DTNBP1: variants seen among roughly 807,000 people sequenced by gnomAD.
The protein encoded by DTNBP1 is dystrobrevin binding protein 1, also known as dysbindin.
In DTNBP1, 35 loss-of-function variants were observed where a neutral mutation model predicts 42.8. The observed-to-expected ratio is 0.82, with a 90% CI of 0.63 to 1.09. The LOEUF (loss-of-function observed/expected upper bound fraction) is 1.09. Ranked by LOEUF, DTNBP1 falls within the 50% of genes least tolerant of loss-of-function variation. DTNBP1 has a pLI of 0.00. For synonymous variants in DTNBP1, 171 were observed against 162.2 expected (o/e 1.05, Z -0.41); for missense variants, 457 against 424.2 (o/e 1.08, Z -0.68).
At chr6:15,526,252 A>G (rs971774160) in intron 8 of DTNBP1, among the ~76,000 whole-genome samples, 1 of 152,218 alleles carries the variant, frequency 6.6e-6, no homozygotes, top group African/African-American at 2.4e-5. Flanking sequence ...AAAGCATGTT[A>G]AGCAAAGAGA....
intron 6 of DTNBP1, among the ~76,000 whole-genome samples, chr6:15,607,947 A>G (rs1033468966): frequency 6.6e-6 from 1 of 152,160 alleles, no homozygotes; most frequent in African/African-American, 2.4e-5. Flanking sequence ...CAATTCTTTC[A>G]GTTATTTTTC....
At chr6:15,537,408 G>A (rs1332340238) in intron 7 of DTNBP1, among the ~76,000 whole-genome samples, 3 of 151,190 alleles carry the variant, frequency 2.0e-5, no homozygotes, top group South Asian at 2.1e-4. Context: ...CAGCCTGGGC[G>A]ACAGCGTGAG....
At chr6:15,585,067 ATATATATATATATATAT>A (rs1776012941) in intron 7 of DTNBP1, among the ~76,000 whole-genome samples, 1 of 1,096 alleles carries the variant, frequency 9.1e-4, no homozygotes, top group Admixed American at 9.4e-3. Context: ...TGAAAAGAAT[ATATATATATATATATAT>A]ATATATATAT....
At chr6:15,539,063 A>G (rs895133674) in intron 7 of DTNBP1, among the ~76,000 whole-genome samples, 2 of 152,216 alleles carry the variant, frequency 1.3e-5, no homozygotes, top group African/African-American at 4.8e-5. Flanking sequence ...GGCAGACCTT[A>G]AAACCCAGTG....
At chr6:15,636,456 T>C (rs1350949055) in intron 4 of DTNBP1, among the ~76,000 whole-genome samples, 1 of 152,134 alleles carries the variant, frequency 6.6e-6, no homozygotes, top group Non-Finnish European at 1.5e-5. Flanking sequence ...CAGCCAACTC[T>C]TTCATTTCTT....
intron 3 of DTNBP1, among the ~76,000 whole-genome samples, chr6:15,647,239 G>GA (rs1435631208): frequency 2.0e-5 from 3 of 151,542 alleles, no homozygotes; most frequent in Non-Finnish European, 4.4e-5. Context: ...CAACAAAGAT[G>GA]AAAAAAATGC....
intron 8 of DTNBP1, among the ~76,000 whole-genome samples, chr6:15,527,764 T>G (rs1453431485): frequency 6.6e-6 from 1 of 152,064 alleles, no homozygotes; most frequent in African/African-American, 2.4e-5. Context: ...AAAAGGCACA[T>G]GAACAATTTT....
chr6:15,560,255 G>T, intron 7 of DTNBP1, among the ~76,000 whole-genome samples: 1 of 151,906 alleles, frequency 6.6e-6, no homozygotes, highest in East Asian at 1.9e-4. Context: ...GCAGTGAGCC[G>T]AGATCATGTC....
At chr6:15,555,201 A>G (rs1231211702) in intron 7 of DTNBP1, among the ~76,000 whole-genome samples, 1 of 150,182 alleles carries the variant, frequency 6.7e-6, no homozygotes, top group Non-Finnish European at 1.5e-5. Context: ...ACACAAGATA[A>G]AACACTTTCC....
chr6:15,637,145 A>T (rs934112407), intron 4 of DTNBP1, among the ~76,000 whole-genome samples: 1 of 152,210 alleles, frequency 6.6e-6, no homozygotes, highest in Non-Finnish European at 1.5e-5. Context: ...GAATTACAGA[A>T]ATCATTTCAG....
In DTNBP1 at chr6:15,604,169, G is replaced by C. The variant is rs183655155; in HGVS notation, c.489-11088C>G. Among the ~76,000 whole-genome samples the C allele has an allele frequency of 3.5e-4, 53 of 152,306 alleles. No homozygotes were observed. In the East Asian group the frequency reaches 0.01, roughly 29 times the overall value. ...ACATCTCTTCTTTGTCCAAAATCCA[G>C]TGTCTTAAAAACATTCTCTCATTTA... On this transcript the variant is annotated intron_variant, in intron 6 of 9. Coordinates refer to ENST00000344537, the MANE Select transcript of DTNBP1 (RefSeq NM_032122.5).
At chr6:15,596,027 A>G (rs1039583380) in intron 6 of DTNBP1, among the ~76,000 whole-genome samples, 2 of 152,220 alleles carry the variant, frequency 1.3e-5, no homozygotes, top group African/African-American at 4.8e-5. Context: ...CAGTGAGTAC[A>G]CAGGAAACTC....
intron 7 of DTNBP1, among the ~76,000 whole-genome samples, chr6:15,545,339 T>G (rs943222186): frequency 6.6e-6 from 1 of 152,254 alleles, no homozygotes. Context: ...ATACCATACA[T>G]TATTTCTGTG....
chr6:15,654,878 AAT>A (rs1761196418), intron 1 of DTNBP1, among the ~76,000 whole-genome samples: 2 of 152,364 alleles, frequency 1.3e-5, no homozygotes, highest in South Asian at 4.1e-4. Context: ...CATAATTGAT[AAT>A]ATCAAAGAAT....
At chr6:15,639,823 T>G (rs1360814553) in intron 3 of DTNBP1, among the ~76,000 whole-genome samples, 5 of 152,214 alleles carry the variant, frequency 3.3e-5, no homozygotes, top group African/African-American at 4.8e-5. Flanking sequence ...AATTGAAAAT[T>G]CAGGACTTCG....
intron 6 of DTNBP1, among the ~76,000 whole-genome samples, chr6:15,598,061 A>C (rs186977594): frequency 6.6e-6 from 1 of 152,352 alleles, no homozygotes; most frequent in African/African-American, 2.4e-5. Context: ...ATAACCCTAA[A>C]ACTAAAACAT....
chr6:15,632,571 G>C (rs570043347), intron 4 of DTNBP1, among the ~76,000 whole-genome samples: 1 of 152,288 alleles, frequency 6.6e-6, no homozygotes, highest in East Asian at 1.9e-4. Flanking sequence ...AGAGAATTTA[G>C]CAAGATGGCC....
intron 6 of DTNBP1, among the ~76,000 whole-genome samples, chr6:15,605,986 T>C (rs1435577736): frequency 6.6e-6 from 1 of 152,256 alleles, no homozygotes; most frequent in African/African-American, 2.4e-5. Context: ...AAAAGCAATT[T>C]ATGGGTATTT....
chr6:15,534,574 C>A (rs1340510129), intron 7 of DTNBP1, among the ~76,000 whole-genome samples: 1 of 145,776 alleles, frequency 6.9e-6, no homozygotes, highest in East Asian at 2.0e-4. Context: ...GCAGGAGAAT[C>A]ACTTGAACCC....
Sources: allele counts gnomAD v4.1 joint callset (sites outside exome capture counted in the v4.1 genomes callset), GRCh38; gene constraint gnomAD v4.1.1; transcripts MANE v1.5; gene names NCBI Gene and HGNC (gene_info 2026-07-23, HGNC 2026-07-21).